KCNS3: variants seen among roughly 807,000 people sequenced by gnomAD.
KCNS3 encodes potassium voltage-gated channel modifier subfamily S member 3.
Under a neutral mutation model 31.0 loss-of-function variants are expected in KCNS3, and 13 were observed. The ratio of observed to expected loss-of-function variants is 0.42; its 90% CI spans 0.27 to 0.67. The LOEUF is 0.67. Among genes scored for constraint, KCNS3 ranks in the 30% least tolerant of loss-of-function variants. The pLI is 0.25. For missense variants in KCNS3, 545 were observed against 622.4 expected, an observed-to-expected ratio of 0.88 and a Z score of 1.32; for synonymous variants, 238 against 241.5, an observed-to-expected ratio of 0.99 and a Z score of 0.13.
In KCNS3 at chr2:17,932,434, A is replaced by G. The variant is rs372616624; in HGVS notation, c.1426A>G (p.Asn476Asp). Residue 476 changes from asparagine (N) to aspartate (D), a missense_variant, in exon 3 of 3, where the codon AAT becomes GAT. Physicochemically the swap from Asn to Asp is conservative, Grantham distance 23. Coordinates refer to ENST00000304101, the MANE Select transcript of KCNS3 (RefSeq NM_002252.5). ...CACAGATGCTTCAAGCATTGAAGAC[A>G]ATGAGGACATTTGTAACACCACCTC... ...DSTDASSIED[N>D]EDICNTTSLE... is the part of the protein sequence containing the mutation. The G allele has an allele frequency of 4.1e-5, 66 of 1,613,872 alleles. No individual in the cohort carries two copies. In the East Asian group the frequency reaches 1.5e-3, roughly 36 times the overall value.
rs545335452 is a variant in KCNS3 at position 17,922,211 on chromosome 2, C to T, written c.-60+4340C>T. ...ATTAGTGGGTTCAAATATTGTAACT[C>T]TGATCTCTGTTATGAAATTCCCCAT... On this transcript the variant is annotated intron_variant, in intron 2 of 2. Coordinates refer to ENST00000304101, the MANE Select transcript of KCNS3 (RefSeq NM_002252.5). Among the ~76,000 whole-genome samples the T allele has an allele frequency of 9.2e-5, 14 of 151,658 alleles. No individual in the cohort carries two copies. In the East Asian group the frequency reaches 2.5e-3, roughly 27 times the overall value.
At chr2:17,888,681 G>C (rs1319073164) in intron 1 of KCNS3, among the ~76,000 whole-genome samples, 2 of 103,314 alleles carry the variant, frequency 1.9e-5, no homozygotes, top group East Asian at 6.8e-4. Flanking sequence ...ATAAAGAAAA[G>C]GGTGTTCTTT....
intron 2 of KCNS3, among the ~76,000 whole-genome samples, chr2:17,928,335 C>T (rs901613634): frequency 2.0e-5 from 3 of 152,088 alleles, no homozygotes; most frequent in African/African-American, 4.8e-5. Context: ...AGTGCGATCT[C>T]GGCTCACTGC....
chr2:17,888,387 T>C (rs1477301625), intron 1 of KCNS3, among the ~76,000 whole-genome samples: 1 of 151,822 alleles, frequency 6.6e-6, no homozygotes, highest in Non-Finnish European at 1.5e-5. Flanking sequence ...TTGATTTTCG[T>C]ATAAGATGAG....
intron 1 of KCNS3, among the ~76,000 whole-genome samples, chr2:17,906,901 A>G (rs1055123919): frequency 2.0e-5 from 3 of 152,272 alleles, no homozygotes; most frequent in African/African-American, 7.2e-5. Flanking sequence ...TTTTGGAATA[A>G]GTGTGATGTG....
At chr2:17,898,598 C>T (rs1183804131) in intron 1 of KCNS3, among the ~76,000 whole-genome samples, 2 of 152,016 alleles carry the variant, frequency 1.3e-5, no homozygotes. Flanking sequence ...TCCAAAGAAC[C>T]CTAATAGATG....
At chr2:17,881,940 AG>A (rs1674653892) in intron 1 of KCNS3, among the ~76,000 whole-genome samples, 1 of 152,248 alleles carries the variant, frequency 6.6e-6, no homozygotes, top group South Asian at 2.1e-4. Flanking sequence ...TTAGGAAAAA[AG>A]GAAGATAAAC....
At chr2:17,930,417 G>T (rs1346181433) in intron 2 of KCNS3, among the ~76,000 whole-genome samples, 1 of 152,124 alleles carries the variant, frequency 6.6e-6, no homozygotes, top group Non-Finnish European at 1.5e-5. Flanking sequence ...ACATTGGTAC[G>T]CAAAGGGAAA....
chr2:17,881,829 A>G (rs1674650422), intron 1 of KCNS3, among the ~76,000 whole-genome samples: 2 of 152,216 alleles, frequency 1.3e-5, no homozygotes. Flanking sequence ...TTTGGGTCCC[A>G]TGTCTCAGCC....
At chr2:17,908,403 G>A (rs1662389609) in intron 1 of KCNS3, among the ~76,000 whole-genome samples, 2 of 152,130 alleles carry the variant, frequency 1.3e-5, no homozygotes, top group Non-Finnish European at 2.9e-5. Context: ...CCATGGGTTC[G>A]AACTTCCTCC....
At chr2:17,925,588 A>G (rs1257672394) in intron 2 of KCNS3, among the ~76,000 whole-genome samples, 2 of 152,324 alleles carry the variant, frequency 1.3e-5, no homozygotes, top group African/African-American at 2.4e-5. Context: ...CACGTCTTAC[A>G]TGGTGGCAGG....
chr2:17,880,833 T>C (rs1674630511), intron 1 of KCNS3, among the ~76,000 whole-genome samples: 1 of 152,240 alleles, frequency 6.6e-6, no homozygotes, highest in Non-Finnish European at 1.5e-5. Flanking sequence ...CTCCCTCCTG[T>C]CTTCAGTGGG....
chr2:17,928,105 A>G (rs1662876992), intron 2 of KCNS3, among the ~76,000 whole-genome samples: 1 of 152,204 alleles, frequency 6.6e-6, no homozygotes, highest in Admixed American at 6.5e-5. Flanking sequence ...TTTTGTTGAC[A>G]CTAGCAATTT....
chr2:17,924,720 A>C (rs1662796513), intron 2 of KCNS3, among the ~76,000 whole-genome samples: 1 of 152,150 alleles, frequency 6.6e-6, no homozygotes, highest in African/African-American at 2.4e-5. Context: ...ATGGTAATAT[A>C]ATTCTTTTTA....
chr2:17,886,708 CCA>C, intron 1 of KCNS3, among the ~76,000 whole-genome samples: 1 of 151,258 alleles, frequency 6.6e-6, no homozygotes, highest in Non-Finnish European at 1.5e-5. Context: ...ATCCATCCAT[CCA>C]TCCATCCCAT....
intron 1 of KCNS3, among the ~76,000 whole-genome samples, chr2:17,901,027 C>A (rs1306127223): frequency 2.6e-5 from 4 of 152,056 alleles, no homozygotes; most frequent in African/African-American, 9.7e-5. Context: ...GCTCAAAGAA[C>A]CTAAATGACT....
At chr2:17,881,720 T>A (rs1456592484) in intron 1 of KCNS3, among the ~76,000 whole-genome samples, 1 of 152,214 alleles carries the variant, frequency 6.6e-6, no homozygotes, top group Non-Finnish European at 1.5e-5. Context: ...GTTTTCCTCA[T>A]TTATTCCTAC....
intron 1 of KCNS3, among the ~76,000 whole-genome samples, chr2:17,914,327 A>G (rs960218285): frequency 2.6e-5 from 4 of 152,222 alleles, no homozygotes; most frequent in African/African-American, 9.6e-5. Context: ...GAGGCACCTC[A>G]GGGAGCCTGG....
intron 1 of KCNS3, among the ~76,000 whole-genome samples, chr2:17,908,133 A>G (rs1233202525): frequency 2.0e-5 from 3 of 152,172 alleles, no homozygotes; most frequent in East Asian, 1.9e-4. Context: ...ACATAGTCCC[A>G]TATTTCTTGG....
Sources: gnomAD v4.1 joint callset for allele counts (sites outside exome capture counted in the v4.1 genomes callset) on GRCh38, gnomAD v4.1.1 for gene constraint, MANE v1.5 for transcripts, NCBI Gene and HGNC (gene_info 2026-07-23, HGNC 2026-07-21) for gene names.